Variants in MTOR observed in about 807,000 individuals in gnomAD.
MTOR encodes mechanistic target of rapamycin kinase.
Under a neutral mutation model 319.8 loss-of-function variants are expected in MTOR, and 70 were observed. That is an observed-to-expected ratio of 0.22 (90% CI 0.18 to 0.27). The LOEUF is 0.27. MTOR is among the 10% of genes least tolerant of loss of function. MTOR has a pLI of 1.00. For synonymous variants in MTOR, 1,183 were observed against 1,211.4 expected, an observed-to-expected ratio of 0.98 and a Z score of 0.49; for missense variants, 1,890 against 3,274.4, an observed-to-expected ratio of 0.58 and a Z score of 10.32.
chr1:11,198,038 G>A (rs1645843564), intron 28 of MTOR, among the ~76,000 whole-genome samples: 1 of 152,172 alleles, frequency 6.6e-6, no homozygotes, highest in African/African-American at 2.4e-5. Flanking sequence ...ATTAAGGGTG[G>A]AATTGGGAAG....
rs116094437 is a variant in MTOR at position 11,208,086 on chromosome 1, T to C, written c.3801+1226A>G. Reference sequence around the variant, plus strand: ...TGAACCTAGTCAGGATGAAAACATCTGGGTGGAAATGTACATCTGGCCTCC... The same window carrying C: ...TGAACCTAGTCAGGATGAAAACATCCGGGTGGAAATGTACATCTGGCCTCC... On this transcript the variant is annotated intron_variant, in intron 25 of 57. Transcript: ENST00000361445. Among the ~76,000 whole-genome samples, 221 of 152,238 alleles carry C rather than the reference T, an allele frequency of 1.5e-3. 2 individuals carry two copies. Among genetic ancestry groups the C allele is most frequent in the African/African-American group, 5.2e-3 (217 of 41,554 alleles).
chr1:11,189,287 T>G, intron 28 of MTOR: 1 of 295,710 alleles, frequency 3.4e-6, no homozygotes, highest in Admixed American at 4.9e-5. Context: ...TAAAGCCTGG[T>G]GCAGCCATGG....
chr1:11,197,383 A>C (rs1416628283), intron 28 of MTOR, among the ~76,000 whole-genome samples: 1 of 152,190 alleles, frequency 6.6e-6, no homozygotes, highest in Non-Finnish European at 1.5e-5. Context: ...CAAAATCAGA[A>C]GTAAAAACTG....
Position 11,243,318 on chromosome 1 carries a change from A to G in MTOR, c.1226-18T>C. On this transcript the variant is annotated intron_variant, in intron 8 of 57. Coordinates refer to ENST00000361445, the MANE Select transcript of MTOR (RefSeq NM_004958.4). ...CTGGGTATCTGAGCACAGAAAAGACAAAGTAGATAGCTCCAGGTCAGGGTT... is the reference window on the plus strand; with the variant it reads ...CTGGGTATCTGAGCACAGAAAAGACGAAGTAGATAGCTCCAGGTCAGGGTT... 1 of 1,611,470 alleles carries G rather than the reference A, an allele frequency of 6.2e-7. No homozygotes were observed. Among genetic ancestry groups the G allele is most frequent in the Non-Finnish European group, 8.5e-7 (1 of 1,178,310 alleles).
intron 1 of MTOR, among the ~76,000 whole-genome samples, chr1:11,260,402 C>T (rs368868773): frequency 1.3e-5 from 2 of 152,096 alleles, no homozygotes; most frequent in Non-Finnish European, 2.9e-5. Context: ...ATTAGCCAGG[C>T]GTGGCAGTGC....
At chr1:11,217,117 T>G (rs548046942) in intron 19 of MTOR, among the ~76,000 whole-genome samples, 10 of 152,282 alleles carry the variant, frequency 6.6e-5, no homozygotes, top group Non-Finnish European at 8.8e-5. Context: ...CTTAATTAAT[T>G]AACTATGTCT....
Position 11,147,219 on chromosome 1 carries a change from T to C in MTOR, c.4571-428A>G, listed in dbSNP as rs150167123. 4.5e-3 allele frequency among the ~76,000 whole-genome samples: 683 copies of C among 152,336 alleles called. 6 individuals carry two copies. Among genetic ancestry groups the C allele is most frequent in the African/African-American group, 0.015 (617 of 41,582 alleles). On this transcript the variant is annotated intron_variant, in intron 31 of 57. Coordinates refer to ENST00000361445, the MANE Select transcript of MTOR (RefSeq NM_004958.4). The stretch of plus-strand genomic sequence containing the variant: ...GGAAATTACATTTTCCTCCAAACAA[T>C]TGAAAATAGCCATTACACAGATGAT...
chr1:11,181,721 T>C (rs1327198125), intron 28 of MTOR, among the ~76,000 whole-genome samples: 2 of 152,180 alleles, frequency 1.3e-5, no homozygotes, highest in Non-Finnish European at 2.9e-5. Flanking sequence ...GGAGAGAGAC[T>C]GTAAGTCTCC....
chr1:11,228,801 T>C lies in MTOR; in HGVS notation c.2897A>G (p.His966Arg). ...GGCCTGGACAACCATGGTGTGATGA[T>C]GAGAGAGTGACTGGTCTCGGAAGAT... ...MRIFRDQSLS[H>R]HHTMVVQAIT... is the part of the protein sequence containing the mutation. Residue 966 changes from histidine (H) to arginine (R), a missense_variant, in exon 19 of 58, where the codon CAT becomes CGT. Physicochemically the swap from His to Arg is conservative, Grantham distance 29 (BLOSUM62 0). Coordinates refer to ENST00000361445, the MANE Select transcript of MTOR (RefSeq NM_004958.4). The C allele has an allele frequency of 6.2e-7, 1 of 1,614,102 alleles. No individual in the cohort carries two copies. Among genetic ancestry groups the C allele is most frequent in the Non-Finnish European group, 8.5e-7 (1 of 1,180,016 alleles).
In MTOR at chr1:11,121,377, G is replaced by C; in HGVS notation, c.6811-9C>G. 1 of 1,613,890 alleles carries C rather than the reference G, an allele frequency of 6.2e-7. No individual in the cohort carries two copies. The highest frequency in any genetic ancestry group is 2.2e-5 in the East Asian group (1 of 44,880). ...TCATAGTCCGGAGCCATCTGCATCA[G>C]GACACAACTGTTCAGTAAGAGAGCA... is the stretch of plus-strand genomic sequence containing the variant. On this transcript the variant is annotated splice_polypyrimidine_tract_variant and intron_variant, in intron 48 of 57. Coordinates refer to ENST00000361445, the MANE Select transcript of MTOR (RefSeq NM_004958.4). The surrounding 1 kb of genome is among the most constrained non-coding windows in gnomAD (Gnocchi z 4.9).
At chr1:11,228,274 T>C (rs1557450329) in intron 19 of MTOR, among the ~76,000 whole-genome samples, 3 of 151,886 alleles carry the variant, frequency 2.0e-5, no homozygotes, top group Non-Finnish European at 4.4e-5. Context: ...CTGCAACCTC[T>C]ACCTCCCAGG....
At chr1:11,156,792 C>T (rs1352235919) in intron 30 of MTOR, among the ~76,000 whole-genome samples, 12 of 152,098 alleles carry the variant, frequency 7.9e-5, no homozygotes, top group Non-Finnish European at 1.5e-4. Flanking sequence ...TTCTTCTTTC[C>T]TAAAAACATC....
At chr1:11,126,838 G>C (rs2100398670) in intron 45 of MTOR, 42 bp from the exon 46 acceptor site, 5 of 1,597,986 alleles carry the variant, frequency 3.1e-6, no homozygotes, top group Non-Finnish European at 4.3e-6. Context: ...TGCCTCCAGG[G>C]AAGAATTTAA....
intron 34 of MTOR, among the ~76,000 whole-genome samples, chr1:11,140,945 C>A: frequency 7.0e-6 from 1 of 143,710 alleles, no homozygotes. Context: ...ATTTATATTT[C>A]TGAAGTTATT....
rs2100940951 is a variant in MTOR at position 11,248,049 on chromosome 1, G to A, written c.886C>T (p.His296Tyr). 2 of 1,613,490 alleles carry A rather than the reference G, an allele frequency of 1.2e-6. No individual in the cohort carries two copies. The highest frequency in any genetic ancestry group is 1.7e-6 in the Non-Finnish European group (2 of 1,179,578). Residue 296 changes from histidine to tyrosine, a missense_variant, in exon 7 of 58, where the codon CAC becomes TAC. His to Tyr is a moderately conservative substitution (Grantham distance 83, BLOSUM62 2). Around this residue, in one of 15 missense-constraint regions of MTOR, gnomAD observed 418 missense variants for 543.1 expected, o/e 0.77. Transcript: ENST00000361445. The part of the protein sequence containing the change: ...MEEITQQQLV[H>Y]DKYCKDLMGF... ...ATGAGATCTTTGCAGTACTTGTCGTGTACCAGCTGCTGCTGTGTGATTTCT... is the reference window on the plus strand; with the variant it reads ...ATGAGATCTTTGCAGTACTTGTCGTATACCAGCTGCTGCTGTGTGATTTCT...
At chr1:11,214,509 C>T (rs887453321) in intron 20 of MTOR, among the ~76,000 whole-genome samples, 2 of 152,156 alleles carry the variant, frequency 1.3e-5, no homozygotes, top group Non-Finnish European at 1.5e-5. Flanking sequence ...AATAGAAACC[C>T]TACTAATGAT....
At chr1:11,168,978 C>A (rs1644729360) in intron 28 of MTOR, among the ~76,000 whole-genome samples, 2 of 152,176 alleles carry the variant, frequency 1.3e-5, no homozygotes, top group Admixed American at 6.5e-5. Context: ...GACACATCAA[C>A]CTGGGAGTCT....
chr1:11,236,975 C>T (rs930528965), intron 13 of MTOR, among the ~76,000 whole-genome samples: 2 of 152,234 alleles, frequency 1.3e-5, no homozygotes, highest in African/African-American at 2.4e-5. Context: ...ATATAATTTA[C>T]AGCCACTTTA....
At chr1:11,161,142 G>A (rs1230163051) in intron 29 of MTOR, among the ~76,000 whole-genome samples, 2 of 152,188 alleles carry the variant, frequency 1.3e-5, no homozygotes, top group African/African-American at 2.4e-5. Flanking sequence ...ATTATAACCC[G>A]TGCCTGGCTC....
Sources: allele counts gnomAD v4.1 joint callset (sites outside exome capture counted in the v4.1 genomes callset), GRCh38; gene constraint gnomAD v4.1.1; regional missense constraint gnomAD v4.1.1; non-coding constraint Gnocchi (gnomAD v3.1); transcripts MANE v1.5; gene names NCBI Gene and HGNC (gene_info 2026-07-23, HGNC 2026-07-21).